The following SCRG1 variants were observed in gnomAD, a reference collection of about 807,000 sequenced individuals.
SCRG1 encodes stimulator of chondrogenesis 1, also known as scrapie-responsive protein 1.
In SCRG1, 3 loss-of-function variants were observed where a neutral mutation model predicts 7.7. That is an observed-to-expected ratio of 0.39 (90% CI 0.18 to 1.01). SCRG1 has a LOEUF of 1.01. Among genes scored for constraint, SCRG1 ranks in the 50% least tolerant of loss-of-function variants. SCRG1 has a pLI of 0.36. For synonymous variants in SCRG1, 46 were observed against 41.2 expected, an observed-to-expected ratio of 1.12 and a Z score of -0.44; for missense variants, 110 against 117.2, an observed-to-expected ratio of 0.94 and a Z score of 0.28.
the SCRG1 span, among the ~76,000 whole-genome samples, chr4:173,478,607 T>C: frequency 3.5e-3 from 529 of 152,228 alleles, 6 homozygotes; most frequent in African/African-American, 0.012. Flanking sequence ...CCCACACCCC[T>C]TCACCCTGGG....
chr4:173,515,531 A>G, the SCRG1 span, among the ~76,000 whole-genome samples: 1 of 152,280 alleles, frequency 6.6e-6, no homozygotes, highest in Non-Finnish European at 1.5e-5. This position sits in a 1 kb window ranked among gnomAD's most constrained non-coding sequence, Gnocchi z 4.6. Flanking sequence ...ATATACTTTC[A>G]TTAGGTCATA....
the SCRG1 span, among the ~76,000 whole-genome samples, chr4:173,480,682 C>A: frequency 1.3e-5 from 2 of 151,862 alleles, no homozygotes; most frequent in African/African-American, 4.8e-5. Context: ...ATATGGACTG[C>A]GTATTATATG....
In SCRG1 at chr4:173,386,323, T is replaced by G. The variant is rs2062019; in HGVS notation, c.*2018A>C. ...CTAATTTTTTTTTTTTTTTTTTTTG[T>G]ATTTTTAGTAGAGACGAGGTTTCAC... On this transcript the variant is annotated 3_prime_UTR_variant, in exon 3 of 3. Transcript: ENST00000296506. 2.3e-5 allele frequency: 2 copies of G among 86,864 alleles called. No homozygotes were observed. Among genetic ancestry groups the G allele is most frequent in the African/African-American group, 7.2e-5 (2 of 27,638 alleles). The allele number at this position is 86,864 out of a possible 1,614,324, so 5.4% of individuals were successfully genotyped here. A position where few individuals can be genotyped will look rare whatever the true frequency, so the allele number is the denominator to read the frequency against.
In SCRG1 at chr4:173,388,409, G is replaced by C; in HGVS notation, c.243-14C>G. 1 of 1,594,714 alleles carries C rather than the reference G, an allele frequency of 6.3e-7. No homozygotes were observed. ...AAGAAAACGTCTCTGAAAGAAAATA[G>C]AGCATCAATTAAATTCACCTTAAGG... On this transcript the variant is annotated splice_polypyrimidine_tract_variant and intron_variant, in intron 2 of 2. Transcript: ENST00000296506.
chr4:173,479,144 G>A, the SCRG1 span, among the ~76,000 whole-genome samples: 1 of 152,072 alleles, frequency 6.6e-6, no homozygotes, highest in Non-Finnish European at 1.5e-5. Context: ...TTCTGAACTT[G>A]GCATGTAATA....
At chr4:173,476,363 A>AATATATATATATATATAT in the SCRG1 span, among the ~76,000 whole-genome samples, 5 of 98,430 alleles carry the variant, frequency 5.1e-5, no homozygotes, top group East Asian at 3.7e-4. Context: ...GGAAAAAAAA[A>AATATATATATATATATAT]ATATATATAT....
the SCRG1 span, among the ~76,000 whole-genome samples, chr4:173,414,823 ACT>A: frequency 2.1e-4 from 32 of 151,716 alleles, no homozygotes; most frequent in Non-Finnish European, 4.6e-4. Flanking sequence ...CACTTCAAGC[ACT>A]CTCTCTTAGT....
chr4:173,415,783 CAGG>C, the SCRG1 span, among the ~76,000 whole-genome samples: 12 of 152,172 alleles, frequency 7.9e-5, no homozygotes, highest in African/African-American at 2.9e-4. Flanking sequence ...CAGTTTTATA[CAGG>C]AGAAGTGAGG....
chr4:173,517,897 C>T, the SCRG1 span, among the ~76,000 whole-genome samples: 2 of 152,220 alleles, frequency 1.3e-5, no homozygotes, highest in African/African-American at 4.8e-5. Context: ...CTGGGCAGGG[C>T]CAGAGCGAGA....
rs982589843 is a variant in SCRG1, at chr4:173,388,105, G to T, written c.*236C>A. 1.1e-5 allele frequency: 5 copies of T among 448,438 alleles called. No homozygotes were observed. The South Asian group carries it at 1.9e-4, about 17-fold the overall frequency. The allele number at this position is 448,438 out of a possible 1,614,324, so 27.8% of individuals were successfully genotyped here. ...AACTGAGTATAATGAACACCTCATA[G>T]ATTACATTTTCTAGGCAAAATTTTT... On this transcript the variant is annotated 3_prime_UTR_variant, in exon 3 of 3. Transcript: ENST00000296506.
chr4:173,414,745 A>AT, the SCRG1 span, among the ~76,000 whole-genome samples: 1 of 152,136 alleles, frequency 6.6e-6, no homozygotes, highest in Non-Finnish European at 1.5e-5. Context: ...CACTGTTGAA[A>AT]AGAGTGTGTG....
chr4:173,394,193 C>A (rs1383835889), intron 1 of SCRG1, among the ~76,000 whole-genome samples: 1 of 151,948 alleles, frequency 6.6e-6, no homozygotes, highest in Non-Finnish European at 1.5e-5. Flanking sequence ...TTCTTTGGTG[C>A]TTTTCCCCCC....
rs554397783 is a variant in SCRG1 at position 173,397,498 on chromosome 4, T to C, written c.-15+1570A>G. ...TTTATGTAATTAACATTGTTCCAAA[T>C]GTTGTATGATACCATTTATATCCTA... is the stretch of plus-strand genomic sequence containing the variant. On this transcript the variant is annotated intron_variant, in intron 1 of 2. Coordinates refer to ENST00000296506, the MANE Select transcript of SCRG1 (RefSeq NM_007281.4). Among the ~76,000 whole-genome samples, 6 of 152,318 alleles carry C rather than the reference T, an allele frequency of 3.9e-5. No homozygotes were observed. In the South Asian group the frequency reaches 1.2e-3, roughly 32 times the overall value.
chr4:173,484,495 AAT>A, the SCRG1 span, among the ~76,000 whole-genome samples: 1 of 24,002 alleles, frequency 4.2e-5, no homozygotes, highest in Non-Finnish European at 8.8e-5. Context: ...ATATACATAT[AAT>A]ATATATTATA....
At chr4:173,503,084 C>G in the SCRG1 span, among the ~76,000 whole-genome samples, 1 of 152,122 alleles carries the variant, frequency 6.6e-6, no homozygotes, top group Admixed American at 6.5e-5. The surrounding 1 kb of genome is among the most constrained non-coding windows in gnomAD (Gnocchi z 6.4). Flanking sequence ...GGTTCCCTAC[C>G]GACCAGGTCC....
the SCRG1 span, among the ~76,000 whole-genome samples, chr4:173,426,559 C>T: frequency 6.6e-6 from 1 of 152,206 alleles, no homozygotes; most frequent in Non-Finnish European, 1.5e-5. Context: ...CTCAACTAGG[C>T]TCAAGCGATC....
chr4:173,457,088 C>T, the SCRG1 span, among the ~76,000 whole-genome samples: 1 of 152,196 alleles, frequency 6.6e-6, no homozygotes, highest in African/African-American at 2.4e-5. Context: ...GTTTCCTTGC[C>T]ACCCAAACTA....
At chr4:173,476,363 A>AAAAAAAAAAAT in the SCRG1 span, among the ~76,000 whole-genome samples, 1 of 98,474 alleles carries the variant, frequency 1.0e-5, no homozygotes, top group Admixed American at 1.2e-4. Context: ...GGAAAAAAAA[A>AAAAAAAAAAAT]ATATATATAT....
upstream of SCRG1, among the ~76,000 whole-genome samples, chr4:173,408,764 C>T (rs1410055501): frequency 2.0e-5 from 3 of 152,022 alleles, no homozygotes; most frequent in Non-Finnish European, 4.4e-5. Flanking sequence ...GAGCCTGAGG[C>T]AGGCGGATCA....
Sources: gnomAD v4.1 joint callset for allele counts (sites outside exome capture counted in the v4.1 genomes callset) on GRCh38, gnomAD v4.1.1 for gene constraint, Gnocchi (gnomAD v3.1) non-coding constraint, MANE v1.5 for transcripts, NCBI Gene and HGNC (gene_info 2026-07-23, HGNC 2026-07-21) for gene names.